MRPS6: variants seen among roughly 807,000 people sequenced by gnomAD.
MRPS6 encodes mitochondrial ribosomal protein S6.
A neutral mutation model predicts 13.1 loss-of-function variants in MRPS6; 6 were observed. That is an observed-to-expected ratio of 0.46 (90% CI 0.25 to 0.91). The LOEUF is 0.91. Among genes scored for constraint, MRPS6 ranks in the 40% least tolerant of loss-of-function variants. The probability of loss-of-function intolerance (pLI) is 0.18; values close to 1 mark genes in which losing one functional copy is unlikely to be tolerated. For synonymous variants in MRPS6, 61 were observed against 56.5 expected, an observed-to-expected ratio of 1.08 and a Z score of -0.36; for missense variants, 164 against 155.6, an observed-to-expected ratio of 1.05 and a Z score of -0.29.
At chr21:34,111,774 T>C (rs2148664870) in intron 1 of MRPS6, among the ~76,000 whole-genome samples, 1 of 152,186 alleles carries the variant, frequency 6.6e-6, no homozygotes, top group South Asian at 2.1e-4. Flanking sequence ...AGGCCCCCTG[T>C]AAAGTCCTGT....
intron 1 of MRPS6, among the ~76,000 whole-genome samples, chr21:34,110,244 A>G (rs1448921815): frequency 6.6e-6 from 1 of 152,146 alleles, no homozygotes; most frequent in African/African-American, 2.4e-5. Flanking sequence ...CTGGTGGATC[A>G]CTTGAGCCCA....
At chr21:34,131,255 AGTCCACGTGC>A (rs1388345071) in intron 2 of MRPS6, among the ~76,000 whole-genome samples, 1 of 152,218 alleles carries the variant, frequency 6.6e-6, no homozygotes, top group Non-Finnish European at 1.5e-5. Flanking sequence ...GTTGATCGTG[AGTCCACGTGC>A]GTTAGGACTT....
chr21:34,080,571 A>G (rs1244237245), intron 1 of MRPS6, among the ~76,000 whole-genome samples: 2 of 152,216 alleles, frequency 1.3e-5, no homozygotes, highest in African/African-American at 2.4e-5. Flanking sequence ...CATTAAACAA[A>G]TATCAAGGGC....
At chr21:34,098,411 A>C (rs1979070434) in intron 1 of MRPS6, 1 of 1,000,188 alleles carries the variant, frequency 1.0e-6, no homozygotes. Flanking sequence ...GAATTTTTAG[A>C]GGGAAAATTT....
intron 2 of MRPS6, chr21:34,135,604 T>G (rs1424155510): frequency 2.4e-6 from 1 of 413,576 alleles, no homozygotes; most frequent in African/African-American, 2.1e-5. Context: ...GGTGGTCTGA[T>G]TCACATGGTG....
intron 1 of MRPS6, among the ~76,000 whole-genome samples, chr21:34,078,155 C>A (rs1989377565): frequency 6.6e-6 from 1 of 151,916 alleles, no homozygotes; most frequent in South Asian, 2.1e-4. Flanking sequence ...TTTTTTTCTT[C>A]CCATGGGCCC....
chr21:34,107,652 A>G, intron 1 of MRPS6, among the ~76,000 whole-genome samples: 1 of 152,174 alleles, frequency 6.6e-6, no homozygotes, highest in East Asian at 1.9e-4. Context: ...TACTGTACTC[A>G]AGAGCTTCCC....
chr21:34,141,887 T>A (rs370074253), intron 2 of MRPS6, among the ~76,000 whole-genome samples: 1 of 152,226 alleles, frequency 6.6e-6, no homozygotes, highest in Non-Finnish European at 1.5e-5. Flanking sequence ...TTGTTCCTTG[T>A]CCGTATTGAA....
chr21:34,099,105 G>T (rs1420612604), intron 1 of MRPS6: 7 of 999,538 alleles, frequency 7.0e-6, no homozygotes, highest in Non-Finnish European at 7.2e-6. Flanking sequence ...TGATCAGGAG[G>T]CTTTCTGAAG....
intron 1 of MRPS6, among the ~76,000 whole-genome samples, chr21:34,079,697 C>G (rs1333914712): frequency 7.3e-6 from 1 of 137,114 alleles, no homozygotes; most frequent in Non-Finnish European, 1.5e-5. Flanking sequence ...GATCTGCCCG[C>G]TTTGGTCTCC....
chr21:34,122,432 A>G (rs191006311), intron 1 of MRPS6: 2 of 152,280 alleles, frequency 1.3e-5, no homozygotes, highest in East Asian at 1.9e-4. Context: ...CCAGTAGTCT[A>G]CAGTTTGACC....
At chr21:34,120,207 T>C (rs1980070950) in intron 1 of MRPS6, among the ~76,000 whole-genome samples, 1 of 152,172 alleles carries the variant, frequency 6.6e-6, no homozygotes. Flanking sequence ...GAGTAGTATT[T>C]AGTCTTGGTA....
chr21:34,137,317 T>C (rs1442280255), intron 2 of MRPS6, among the ~76,000 whole-genome samples: 1 of 152,234 alleles, frequency 6.6e-6, no homozygotes, highest in Admixed American at 6.5e-5. Flanking sequence ...GAACAAGATA[T>C]ACCTGATAGA....
chr21:34,132,554 T>A (rs1348290258), intron 2 of MRPS6, among the ~76,000 whole-genome samples: 1 of 152,218 alleles, frequency 6.6e-6, no homozygotes, highest in Admixed American at 6.5e-5. Context: ...GAAAGCCCAG[T>A]GTTAGGATTT....
Position 34,073,716 on chromosome 21 carries a change from C to A in MRPS6, c.16C>A (p.Leu6Met). Reference protein sequence around the residue: MPRYELALILKAMQRP... With the variant: MPRYEMALILKAMQRP... Reference sequence around the variant, plus strand: ...TCCTCCAGGCATGCCCCGCTACGAGCTGGCTTTAATCCTGAAAGCCATGCA... The same window carrying A: ...TCCTCCAGGCATGCCCCGCTACGAGATGGCTTTAATCCTGAAAGCCATGCA... Residue 6 changes from leucine (L) to methionine (M), a missense_variant, in exon 1 of 3, where the codon CTG (leucine) becomes ATG (methionine). Physicochemically the swap from Leu to Met is conservative, Grantham distance 15. Transcript: ENST00000399312. 1 of 1,529,450 alleles carries A rather than the reference C, an allele frequency of 6.5e-7. No homozygotes were observed. The highest frequency in any genetic ancestry group is 8.8e-7 in the Non-Finnish European group (1 of 1,132,180). 94.7% of individuals were successfully genotyped at this position (1,529,450 alleles called of 1,614,324 possible). A position where few individuals can be genotyped will look rare whatever the true frequency, so the allele number is the denominator to read the frequency against.
rs1978967337 is a variant in MRPS6, at chr21:34,096,402, G to A, written c.45+22657G>A. 13 of 1,614,206 alleles carry A rather than the reference G, an allele frequency of 8.1e-6. No individual in the cohort carries two copies. Among genetic ancestry groups the A allele is most frequent in the Non-Finnish European group, 1.0e-5 (12 of 1,180,026 alleles). On this transcript the variant is annotated intron_variant, in intron 1 of 2. Transcript: ENST00000399312. This position sits in a 1 kb window ranked among gnomAD's most constrained non-coding sequence, Gnocchi z 5.9. ...TGTGTACAAACTTATCCGCAAGAGC[G>A]CAAGCTCCCGGGAGTTAATGATTGT...
chr21:34,096,442 T>C lies in MRPS6; in HGVS notation c.45+22697T>C. On this transcript the variant is annotated intron_variant, in intron 1 of 2. Transcript: ENST00000399312. The surrounding 1 kb of genome is among the most constrained non-coding windows in gnomAD (Gnocchi z 5.9). ...TTAATGATTGTGGGGAGGATATTTG[T>C]GGCATTTATGGTGGTGATCAGCATA... 6.2e-7 allele frequency: 1 copy of C among 1,614,210 alleles called. No homozygotes were observed. The highest frequency in any genetic ancestry group is 1.1e-5 in the South Asian group (1 of 91,084).
At chr21:34,102,295 T>TTC in intron 1 of MRPS6, 1 of 999,164 alleles carries the variant, frequency 1.0e-6, no homozygotes. Flanking sequence ...TTATTTAAAC[T>TTC]TCTCTCTCTT....
In MRPS6 at chr21:34,103,511, C is replaced by T. The variant is rs141152557; in HGVS notation, c.46-21830C>T. The stretch of plus-strand genomic sequence containing the variant: ...TTCCATTGTAGGTTGATAGGTATAT[C>T]GAGAACAGGTACGTGACAACAGTTT... On this transcript the variant is annotated intron_variant, in intron 1 of 2. Coordinates refer to ENST00000399312, the MANE Select transcript of MRPS6 (RefSeq NM_032476.4). 8 of 999,232 alleles carry T rather than the reference C, an allele frequency of 8.0e-6. No individual in the cohort carries two copies. The African/African-American group carries it at 1.0e-4, about 13-fold the overall frequency. 61.9% of individuals were successfully genotyped at this position (999,232 alleles called of 1,614,324 possible). A position where few individuals can be genotyped will look rare whatever the true frequency, so the allele number is the denominator to read the frequency against.
Sources: allele counts gnomAD v4.1 joint callset (sites outside exome capture counted in the v4.1 genomes callset), GRCh38; gene constraint gnomAD v4.1.1; non-coding constraint Gnocchi (gnomAD v3.1); transcripts MANE v1.5; gene names NCBI Gene and HGNC (gene_info 2026-07-23, HGNC 2026-07-21).